NEMP2: variants seen among roughly 807,000 people sequenced by gnomAD.
The protein encoded by NEMP2 is UPF0571 transmembrane protein.
Under a neutral mutation model 54.2 loss-of-function variants are expected in NEMP2, and 53 were observed. The observed-to-expected ratio is 0.98, with a 90% CI of 0.78 to 1.23. NEMP2 has a LOEUF of 1.23. Ranked by LOEUF, NEMP2 falls within the 50% of genes most tolerant of loss-of-function variation. The probability of loss-of-function intolerance (pLI) is 0.00; values close to 1 mark genes in which losing one functional copy is unlikely to be tolerated. For missense variants in NEMP2, 455 were observed against 511.3 expected (o/e 0.89, Z 1.06); for synonymous variants, 197 against 190.3 (o/e 1.04, Z -0.29).
the NEMP2 span, among the ~76,000 whole-genome samples, chr2:190,615,065 G>A: frequency 1.3e-5 from 2 of 152,158 alleles, no homozygotes; most frequent in Admixed American, 1.3e-4. This position sits in a 1 kb window ranked among gnomAD's most constrained non-coding sequence, Gnocchi z 4.7. Flanking sequence ...AAATGTGTGT[G>A]GGGTTTTCTC....
At position 190,531,757 on chromosome 2, in the gene NEMP2, C is replaced by T. The variant is rs1691152700; in HGVS notation, c.97+2802G>A. ...AGTACTTTTGTCATTTATTAGTTTT[C>T]CTAAATGTAAGTATATGTTTAAGTT... On this transcript the variant is annotated intron_variant, in intron 1 of 8. Coordinates refer to ENST00000409150, the MANE Select transcript of NEMP2 (RefSeq NM_001142645.2). The surrounding 1 kb of genome is among the most constrained non-coding windows in gnomAD (Gnocchi z 4.7). Among the ~76,000 whole-genome samples, 1 of 151,870 alleles carries T rather than the reference C, an allele frequency of 6.6e-6. No homozygotes were observed.
At chr2:190,444,267 A>T in the NEMP2 span, among the ~76,000 whole-genome samples, 1 of 152,198 alleles carries the variant, frequency 6.6e-6, no homozygotes, top group Non-Finnish European at 1.5e-5. Flanking sequence ...AGAGCAGTAC[A>T]AGTAATTGAC....
rs1414416621 is a variant in NEMP2 at position 190,505,557 on chromosome 2, C to G, written c.*3632G>C. The G allele has an allele frequency of 6.6e-6, 1 of 152,150 alleles. No individual in the cohort carries two copies. The highest frequency in any genetic ancestry group is 1.5e-5 in the Non-Finnish European group (1 of 68,022). The allele number at this position is 152,150 out of a possible 1,614,324, so 9.4% of individuals were successfully genotyped here. A position where few individuals can be genotyped will look rare whatever the true frequency, so the allele number is the denominator to read the frequency against. On this transcript the variant is annotated 3_prime_UTR_variant, in exon 9 of 9. Coordinates refer to ENST00000409150, the MANE Select transcript of NEMP2 (RefSeq NM_001142645.2). The surrounding 1 kb of genome is among the most constrained non-coding windows in gnomAD (Gnocchi z 5.8). ...TAGAGAAGCTACCCACTAACTGTATCTTCCAAGATTTATATTAGATAAGTA... is the reference window on the plus strand; with the variant it reads ...TAGAGAAGCTACCCACTAACTGTATGTTCCAAGATTTATATTAGATAAGTA...
At chr2:190,646,976 G>A in the NEMP2 span, 5 of 152,134 alleles carry the variant, frequency 3.3e-5, no homozygotes, top group Admixed American at 6.5e-5. Context: ...ATTCCATAGA[G>A]GAATTAGAAG....
chr2:190,503,019 T>C (rs1467260748), downstream of NEMP2, among the ~76,000 whole-genome samples: 1 of 152,200 alleles, frequency 6.6e-6, no homozygotes, highest in Non-Finnish European at 1.5e-5. The surrounding 1 kb of genome is among the most constrained non-coding windows in gnomAD (Gnocchi z 6.3). Flanking sequence ...CCTGCATCTG[T>C]TATGGCAGAG....
chr2:190,488,671 G>A, the NEMP2 span: 1 of 1,557,060 alleles, frequency 6.4e-7, no homozygotes, highest in Non-Finnish European at 8.7e-7. The surrounding 1 kb of genome is among the most constrained non-coding windows in gnomAD (Gnocchi z 6.4). Flanking sequence ...GACACACGCG[G>A]CCATCTGGGC....
At chr2:190,442,271 G>GT in the NEMP2 span, among the ~76,000 whole-genome samples, 2 of 152,092 alleles carry the variant, frequency 1.3e-5, no homozygotes, top group Non-Finnish European at 2.9e-5. Context: ...GTTCAATTTA[G>GT]TTGAACAGTT....
chr2:190,434,207 AAAG>A, the NEMP2 span, among the ~76,000 whole-genome samples: 1 of 151,882 alleles, frequency 6.6e-6, no homozygotes, highest in Non-Finnish European at 1.5e-5. The surrounding 1 kb of genome is among the most constrained non-coding windows in gnomAD (Gnocchi z 4.3). Flanking sequence ...AAAAAAAAGA[AAAG>A]AAGGTGAAAG....
At chr2:190,570,977 A>G in the NEMP2 span, among the ~76,000 whole-genome samples, 3 of 152,194 alleles carry the variant, frequency 2.0e-5, no homozygotes, top group African/African-American at 7.2e-5. This position sits in a 1 kb window ranked among gnomAD's most constrained non-coding sequence, Gnocchi z 5.4. Flanking sequence ...TCCCGATTAC[A>G]TATTTTTGTT....
chr2:190,648,744 G>A, the NEMP2 span, among the ~76,000 whole-genome samples: 5 of 150,890 alleles, frequency 3.3e-5, 1 homozygote, highest in Non-Finnish European at 7.4e-5. Context: ...CGCGGGAGCC[G>A]CCCACTCCCG....
chr2:190,431,156 G>A, the NEMP2 span, among the ~76,000 whole-genome samples: 1 of 151,776 alleles, frequency 6.6e-6, no homozygotes, highest in Non-Finnish European at 1.5e-5. The surrounding 1 kb of genome is among the most constrained non-coding windows in gnomAD (Gnocchi z 4.4). Flanking sequence ...GGGCAGCCAG[G>A]CAGAGACGCT....
chr2:190,648,653 G>A, the NEMP2 span, among the ~76,000 whole-genome samples: 3 of 149,626 alleles, frequency 2.0e-5, no homozygotes, highest in African/African-American at 4.9e-5. Context: ...AGTTCACTCC[G>A]CAGCTGGAGA....
chr2:190,488,836 C>A, the NEMP2 span: 1 of 1,514,054 alleles, frequency 6.6e-7, no homozygotes, highest in Non-Finnish European at 8.8e-7. The surrounding 1 kb of genome is among the most constrained non-coding windows in gnomAD (Gnocchi z 6.4). Context: ...TGGCTTTCTC[C>A]TTTTTTTTCT....
the NEMP2 span, among the ~76,000 whole-genome samples, chr2:190,637,842 G>T: frequency 1.3e-5 from 2 of 152,220 alleles, no homozygotes; most frequent in Non-Finnish European, 2.9e-5. The surrounding 1 kb of genome is among the most constrained non-coding windows in gnomAD (Gnocchi z 4.5). Context: ...TAGGCTTAGT[G>T]TGTATCCCTC....
the NEMP2 span, among the ~76,000 whole-genome samples, chr2:190,459,640 A>AG: frequency 6.6e-6 from 1 of 152,202 alleles, no homozygotes; most frequent in Non-Finnish European, 1.5e-5. The surrounding 1 kb of genome is among the most constrained non-coding windows in gnomAD (Gnocchi z 5.3). Flanking sequence ...TAAGAAAAAA[A>AG]CAGATAAACT....
At chr2:190,551,832 T>C in the NEMP2 span, among the ~76,000 whole-genome samples, 4 of 152,218 alleles carry the variant, frequency 2.6e-5, no homozygotes, top group Admixed American at 2.0e-4. Context: ...GTTGTTTTTA[T>C]GTATTAAAAA....
chr2:190,542,264 T>G, the NEMP2 span, among the ~76,000 whole-genome samples: 3 of 152,240 alleles, frequency 2.0e-5, no homozygotes, highest in Admixed American at 2.0e-4. This position sits in a 1 kb window ranked among gnomAD's most constrained non-coding sequence, Gnocchi z 4.6. Flanking sequence ...CAGGCTTGAG[T>G]GCAGTGGTGC....
the NEMP2 span, among the ~76,000 whole-genome samples, chr2:190,631,489 CTTTTA>C: frequency 6.6e-6 from 1 of 152,120 alleles, no homozygotes; most frequent in African/African-American, 2.4e-5. Flanking sequence ...TATTTTACTA[CTTTTA>C]TTTTGAATAT....
chr2:190,509,782 G>A lies in NEMP2; in HGVS notation c.1131-470C>T, dbSNP rs1345444158. Among the ~76,000 whole-genome samples, 1 of 152,222 alleles carries A rather than the reference G, an allele frequency of 6.6e-6. No individual in the cohort carries two copies. Among genetic ancestry groups the A allele is most frequent in the Non-Finnish European group, 1.5e-5 (1 of 68,040 alleles). Reference sequence around the variant, plus strand: ...CAGCTGGGTGCGGTGGCTCATGCCTGTAATCCCAGCACTTTGGGAGGCCAA... The same window carrying A: ...CAGCTGGGTGCGGTGGCTCATGCCTATAATCCCAGCACTTTGGGAGGCCAA... On this transcript the variant is annotated intron_variant, in intron 8 of 8. Coordinates refer to ENST00000409150, the MANE Select transcript of NEMP2 (RefSeq NM_001142645.2). The surrounding 1 kb of genome is among the most constrained non-coding windows in gnomAD (Gnocchi z 6.1).
Sources: gnomAD v4.1 joint callset for allele counts (sites outside exome capture counted in the v4.1 genomes callset) on GRCh38, gnomAD v4.1.1 for gene constraint, Gnocchi (gnomAD v3.1) non-coding constraint, MANE v1.5 for transcripts, NCBI Gene and HGNC (gene_info 2026-07-23, HGNC 2026-07-21) for gene names.